ANGPT1: variants seen among roughly 807,000 people sequenced by gnomAD.
ANGPT1 encodes the protein angiopoietin 1.
A neutral mutation model predicts 62.2 loss-of-function variants in ANGPT1; 17 were observed. That is an observed-to-expected ratio of 0.27 (90% CI 0.19 to 0.41). The LOEUF (loss-of-function observed/expected upper bound fraction) is 0.41. Ranked by LOEUF, ANGPT1 falls within the 10% of genes least tolerant of loss-of-function variation. ANGPT1 has a pLI of 1.00. For missense variants in ANGPT1, 478 were observed against 594.9 expected, an observed-to-expected ratio of 0.80 and a Z score of 2.04; for synonymous variants, 199 against 198.9, an observed-to-expected ratio of 1.00 and a Z score of 0.00.
In ANGPT1 at chr8:107,419,083, C is replaced by A. The variant is rs190947221; in HGVS notation, c.298-71986G>T. On this transcript the variant is annotated intron_variant, in intron 1 of 8. Transcript: ENST00000517746. ...TCTAGGTCTAAAATCGGTCATGATC[C>A]CCCTTCAGCCTGTCATGCACACAGA... 2.5e-3 allele frequency among the ~76,000 whole-genome samples: 387 copies of A among 152,140 alleles called. 1 individual carries two copies. Among genetic ancestry groups the A allele is most frequent in the South Asian group, 7.5e-3 (36 of 4,816 alleles).
intron 1 of ANGPT1, among the ~76,000 whole-genome samples, chr8:107,399,969 C>A (rs1817012754): frequency 6.6e-6 from 1 of 152,182 alleles, no homozygotes; most frequent in African/African-American, 2.4e-5. Flanking sequence ...AGGTTTCTCT[C>A]CCTCTAGACC....
At chr8:107,268,990 T>G (rs1813678962) in intron 7 of ANGPT1, among the ~76,000 whole-genome samples, 1 of 152,108 alleles carries the variant, frequency 6.6e-6, no homozygotes. Flanking sequence ...GCTTATGCTC[T>G]TCTAAGGAAG....
At chr8:107,382,266 C>G (rs1202397870) in intron 1 of ANGPT1, among the ~76,000 whole-genome samples, 3 of 152,066 alleles carry the variant, frequency 2.0e-5, no homozygotes, top group African/African-American at 7.2e-5. Flanking sequence ...ATTTATAAAA[C>G]TTCCCCTTCC....
rs1216825905 is a variant in ANGPT1 at position 107,290,034 on chromosome 8, C to A, written c.1038+3902G>T. Among the ~76,000 whole-genome samples, 3 of 152,106 alleles carry A rather than the reference C, an allele frequency of 2.0e-5. No individual in the cohort carries two copies. In the East Asian group the frequency reaches 5.8e-4, roughly 29 times the overall value. ...ACAAACATCTTTACAAATCCATAAA[C>A]CAGATTTTGCTGAATCTCCTCATGA... On this transcript the variant is annotated intron_variant, in intron 6 of 8. Coordinates refer to ENST00000517746, the MANE Select transcript of ANGPT1 (RefSeq NM_001146.5).
intron 1 of ANGPT1, among the ~76,000 whole-genome samples, chr8:107,453,465 G>T (rs1012200315): frequency 1.3e-5 from 2 of 151,910 alleles, no homozygotes; most frequent in Admixed American, 1.3e-4. Flanking sequence ...AGCAGGCAAA[G>T]AGAGAGCACT....
At chr8:107,401,125 CTT>C (rs767617070) in intron 1 of ANGPT1, among the ~76,000 whole-genome samples, 36 of 152,112 alleles carry the variant, frequency 2.4e-4, no homozygotes, top group Non-Finnish European at 4.7e-4. Flanking sequence ...AGTCCATAGA[CTT>C]TGCTTTTTGA....
chr8:107,328,588 T>C (rs1031407633), intron 3 of ANGPT1, among the ~76,000 whole-genome samples: 1 of 151,886 alleles, frequency 6.6e-6, no homozygotes, highest in African/African-American at 2.4e-5. Context: ...TTAATATCCA[T>C]TAAAGAGCTC....
chr8:107,459,447 C>T (rs1283719), intron 1 of ANGPT1, among the ~76,000 whole-genome samples: 14,705 of 150,736 alleles, frequency 0.098, 768 homozygotes, highest in South Asian at 0.14. Flanking sequence ...CAAGATCGTG[C>T]CACTGCACTC....
At chr8:107,476,463 C>A (rs1196174350) in intron 1 of ANGPT1, among the ~76,000 whole-genome samples, 1 of 152,060 alleles carries the variant, frequency 6.6e-6, no homozygotes, top group Admixed American at 6.6e-5. Flanking sequence ...GGAGGGATAG[C>A]ATTAGGAGAT....
At chr8:107,358,596 G>T (rs887033638) in intron 1 of ANGPT1, among the ~76,000 whole-genome samples, 1 of 152,186 alleles carries the variant, frequency 6.6e-6, no homozygotes, top group African/African-American at 2.4e-5. Context: ...ACCTGCTCTT[G>T]TGACTACACA....
rs1815727094 is a variant in ANGPT1, at chr8:107,342,976, C to T, written c.453+3966G>A. 2.7e-5 allele frequency among the ~76,000 whole-genome samples: 4 copies of T among 149,618 alleles called. 1 individual carries two copies. In the South Asian group the frequency reaches 6.4e-4, roughly 24 times the overall value. On this transcript the variant is annotated intron_variant, in intron 2 of 8. Transcript: ENST00000517746. The stretch of plus-strand genomic sequence containing the variant: ...CTTAGCTCCGTGAGTAACTAGGCTA[C>T]AGGCACGCATTACCATGCCTGGCTT...
chr8:107,424,517 T>A (rs902679730), intron 1 of ANGPT1, among the ~76,000 whole-genome samples: 7 of 152,142 alleles, frequency 4.6e-5, no homozygotes, highest in Admixed American at 3.3e-4. Context: ...TTAGCTGATA[T>A]AAACCTTCTT....
chr8:107,270,619 T>C lies in ANGPT1; in HGVS notation c.1206-6268A>G, dbSNP rs545707221. Reference sequence around the variant, plus strand: ...TAGCCAAGAGGGATGTCAGAGCATGTATGTTAGCACTGACTTTTTCACATC... The same window carrying C: ...TAGCCAAGAGGGATGTCAGAGCATGCATGTTAGCACTGACTTTTTCACATC... On this transcript the variant is annotated intron_variant, in intron 7 of 8. Coordinates refer to ENST00000517746, the MANE Select transcript of ANGPT1 (RefSeq NM_001146.5). 2.0e-4 allele frequency among the ~76,000 whole-genome samples: 30 copies of C among 152,150 alleles called. 1 individual carries two copies. The East Asian group carries it at 4.8e-3, about 25-fold the overall frequency.
intron 5 of ANGPT1, 35 bp from the exon 6 acceptor site, chr8:107,294,072 C>A (rs758677273): frequency 6.5e-7 from 1 of 1,532,688 alleles, no homozygotes; most frequent in Non-Finnish European, 9.0e-7. Flanking sequence ...GTAAAAAATA[C>A]TTCTACTTTA....
intron 8 of ANGPT1, among the ~76,000 whole-genome samples, chr8:107,262,574 A>G (rs1011877908): frequency 3.3e-5 from 5 of 152,226 alleles, no homozygotes; most frequent in African/African-American, 1.2e-4. Flanking sequence ...AACACGTAAT[A>G]TGTTTTAATA....
chr8:107,447,351 A>G (rs1382238456), intron 1 of ANGPT1, among the ~76,000 whole-genome samples: 3 of 152,126 alleles, frequency 2.0e-5, no homozygotes, highest in Admixed American at 6.5e-5. Flanking sequence ...TATTCCCTCT[A>G]TGGTACAGAA....
chr8:107,447,715 C>T (rs1235529743), intron 1 of ANGPT1, among the ~76,000 whole-genome samples: 3 of 152,184 alleles, frequency 2.0e-5, no homozygotes, highest in African/African-American at 4.8e-5. Context: ...AGTTCAGTGG[C>T]TTTCCAATGA....
At chr8:107,352,637 G>T (rs1378778148) in intron 1 of ANGPT1, among the ~76,000 whole-genome samples, 1 of 152,142 alleles carries the variant, frequency 6.6e-6, no homozygotes, top group Non-Finnish European at 1.5e-5. Flanking sequence ...TCTTAAACCA[G>T]AGCATATCTT....
intron 4 of ANGPT1, among the ~76,000 whole-genome samples, chr8:107,317,202 T>C (rs1490138296): frequency 1.1e-4 from 17 of 152,232 alleles, no homozygotes; most frequent in Non-Finnish European, 4.4e-5. Context: ...TATCAAACCC[T>C]AGGTTCCTTA....
Sources: gnomAD v4.1 joint callset for allele counts (sites outside exome capture counted in the v4.1 genomes callset) on GRCh38, gnomAD v4.1.1 for gene constraint, MANE v1.5 for transcripts, NCBI Gene and HGNC (gene_info 2026-07-23, HGNC 2026-07-21) for gene names.